The following SUCO variants were observed in gnomAD, a reference collection of about 807,000 sequenced individuals.
SUCO encodes SUN domain containing ossification factor.
SUCO carries 57 observed loss-of-function variants against 148.1 expected under a neutral mutation model. That is an observed-to-expected ratio of 0.38 (90% confidence interval 0.31 to 0.48). The LOEUF is 0.48. Ranked by LOEUF, SUCO falls within the 20% of genes least tolerant of loss-of-function variation. The pLI is 0.96. For synonymous variants in SUCO, 470 were observed against 502.7 expected, an observed-to-expected ratio of 0.93 and a Z score of 0.87; for missense variants, 1,331 against 1,468.2, an observed-to-expected ratio of 0.91 and a Z score of 1.53.
At chr1:172,598,471 T>C (rs1380084652) in intron 19 of SUCO, among the ~76,000 whole-genome samples, 2 of 152,224 alleles carry the variant, frequency 1.3e-5, no homozygotes, top group Non-Finnish European at 2.9e-5. Flanking sequence ...TGTTAATCTC[T>C]ACCAAAATTG....
At position 172,553,396 on chromosome 1, in the gene SUCO, A is replaced by G. The variant is rs752324450; in HGVS notation, c.288+26A>G. ...GTAAGCTATGTCGCTTTGATTTTCA[A>G]TAATATGTCATTTCAAACTACTTTA... On this transcript the variant is annotated intron_variant, in intron 3 of 23. Transcript: ENST00000263688. The G allele has an allele frequency of 1.6e-5, 23 of 1,478,614 alleles. No individual in the cohort carries two copies. In the East Asian group the frequency reaches 4.6e-4, roughly 30 times the overall value. 91.6% of individuals were successfully genotyped at this position (1,478,614 alleles called of 1,614,324 possible). A position where few individuals can be genotyped will look rare whatever the true frequency, so the allele number is the denominator to read the frequency against.
intron 6 of SUCO, among the ~76,000 whole-genome samples, chr1:172,562,917 T>C (rs897075234): frequency 6.6e-6 from 1 of 152,152 alleles, no homozygotes; most frequent in African/African-American, 2.4e-5. Flanking sequence ...GTTCTTGTGA[T>C]AGTGACTTCT....
chr1:172,573,594 T>A (rs1655206728), intron 9 of SUCO, among the ~76,000 whole-genome samples: 1 of 152,110 alleles, frequency 6.6e-6, no homozygotes, highest in African/African-American at 2.4e-5. Context: ...TGTCTGTTCT[T>A]AAGAAAGTCA....
chr1:172,574,096 A>G, intron 10 of SUCO, 98 bp downstream of exon 10: 3 of 685,026 alleles, frequency 4.4e-6, no homozygotes, highest in South Asian at 1.7e-5. Context: ...ACTTCAGTCC[A>G]TTTATTTTTT....
chr1:172,580,776 T>C lies in SUCO; in HGVS notation c.1498+1509T>C, dbSNP rs372878761. 2.0e-5 allele frequency among the ~76,000 whole-genome samples: 3 copies of C among 152,150 alleles called. No homozygotes were observed. In the South Asian group the frequency reaches 6.2e-4, roughly 32 times the overall value. On this transcript the variant is annotated intron_variant, in intron 15 of 23. Transcript: ENST00000263688. ...ATATTCTGGATTTTCTTGCTATATC[T>C]TCCTATGTGGTTAACTTCTAGATGC...
chr1:172,555,986 T>C lies in SUCO; in HGVS notation c.406T>C (p.Ser136Pro), dbSNP rs1017135280. 2 of 1,613,338 alleles carry C rather than the reference T, an allele frequency of 1.2e-6. No homozygotes were observed. Among genetic ancestry groups the C allele is most frequent in the Middle Eastern group, 1.7e-4 (1 of 6,060 alleles). Residue 136 changes from serine to proline, a missense_variant, in exon 4 of 24, where the codon TCA becomes CCA. Ser to Pro is a moderately conservative substitution (Grantham distance 74, BLOSUM62 -1). Coordinates refer to ENST00000263688, the MANE Select transcript of SUCO (RefSeq NM_014283.5). ...DSETVENISSSSTSEITPISK... is the reference protein window; with the variant it reads ...DSETVENISSPSTSEITPISK... ...TGAAACTGTTGAAAATATTTCCAGCTCATCTACCTCAGAAATCACTCCAAT... is the reference window on the plus strand; with the variant it reads ...TGAAACTGTTGAAAATATTTCCAGCCCATCTACCTCAGAAATCACTCCAAT...
At chr1:172,575,688 C>CTA in intron 11 of SUCO, 65 bp downstream of exon 11, 1 of 1,068,250 alleles carries the variant, frequency 9.4e-7, no homozygotes, top group South Asian at 1.4e-5. Context: ...ACACTTTATA[C>CTA]ACCTCATCTT....
At chr1:172,590,515 G>A (rs1247439923) in intron 18 of SUCO, 1 of 230,078 alleles carries the variant, frequency 4.3e-6, no homozygotes, top group African/African-American at 2.3e-5. Context: ...TATCCTCTGT[G>A]TGTCCATTGT....
At chr1:172,585,717 C>A in intron 16 of SUCO, 141 bp from the exon 17 acceptor site, 2 of 610,468 alleles carry the variant, frequency 3.3e-6, no homozygotes, top group Admixed American at 2.9e-5. Flanking sequence ...CCTAAAAGAA[C>A]TTTGATTTTT....
intron 1 of SUCO, among the ~76,000 whole-genome samples, chr1:172,542,380 C>G (rs1273925790): frequency 6.6e-6 from 1 of 151,666 alleles, no homozygotes; most frequent in African/African-American, 2.4e-5. Flanking sequence ...GAAACTCCGT[C>G]TCAAAAAAAA....
rs1210801460 is a variant in SUCO, at chr1:172,579,193, T to A, written c.1433-9T>A. 5.8e-6 allele frequency: 9 copies of A among 1,538,492 alleles called. No homozygotes were observed. The highest frequency in any genetic ancestry group is 8.1e-6 in the Non-Finnish European group (9 of 1,115,098). On this transcript the variant is annotated splice_polypyrimidine_tract_variant and intron_variant, in intron 14 of 23. Transcript: ENST00000263688. ...TCAGCATAATTACTTTTATTTTCGTTTTTAACAGATTATCCACTGGATTAT... is the reference window on the plus strand; with the variant it reads ...TCAGCATAATTACTTTTATTTTCGTATTTAACAGATTATCCACTGGATTAT...
At chr1:172,596,911 C>G (rs1657145330) in intron 19 of SUCO, among the ~76,000 whole-genome samples, 1 of 152,230 alleles carries the variant, frequency 6.6e-6, no homozygotes, top group Non-Finnish European at 1.5e-5. Context: ...GCAGGCAGGC[C>G]TCCTTGAGCT....
At chr1:172,570,415 A>T (rs1571228078) in intron 8 of SUCO, 1 of 491,900 alleles carries the variant, frequency 2.0e-6, no homozygotes, top group Middle Eastern at 5.3e-4. Flanking sequence ...AATAACTAAA[A>T]TATTATTTTT....
chr1:172,588,326 C>G (rs1351797950), intron 17 of SUCO: 1 of 985,324 alleles, frequency 1.0e-6, no homozygotes. Context: ...CTAGTTTTAG[C>G]TCTGGACCTT....
chr1:172,590,581 G>C (rs1348288930), intron 18 of SUCO, among the ~76,000 whole-genome samples: 1 of 152,102 alleles, frequency 6.6e-6, no homozygotes, highest in East Asian at 1.9e-4. Flanking sequence ...CAAGTGTCCA[G>C]AGTTCCTGAA....
At chr1:172,562,848 G>C (rs1003868080) in intron 6 of SUCO, among the ~76,000 whole-genome samples, 1 of 152,090 alleles carries the variant, frequency 6.6e-6, no homozygotes, top group Non-Finnish European at 1.5e-5. Context: ...TAATCCCCAC[G>C]TTAGAGGAGC....
At chr1:172,574,123 TAAC>T (rs1378248486) in intron 10 of SUCO, 125 bp downstream of exon 10, 11 of 627,260 alleles carry the variant, frequency 1.8e-5, no homozygotes, top group East Asian at 8.5e-5. Flanking sequence ...CAGTTTGTAA[TAAC>T]AACGATAATA....
chr1:172,557,729 G>A lies in SUCO; in HGVS notation c.667G>A (p.Ala223Thr), dbSNP rs1653854839. 1.9e-6 allele frequency: 3 copies of A among 1,612,970 alleles called. No individual in the cohort carries two copies. The highest frequency in any genetic ancestry group is 1.7e-4 in the Middle Eastern group (1 of 6,030). Residue 223 changes from alanine (A) to threonine (T), a missense_variant, in exon 6 of 24, where the codon GCA becomes ACA. Physicochemically the swap from Ala to Thr is moderately conservative, Grantham distance 58. Coordinates refer to ENST00000263688, the MANE Select transcript of SUCO (RefSeq NM_014283.5). ...ATCAGAATTTGAATCAAAAGTTTCA[G>A]CAAGTGAACAGGGCGGTGGTGATCC... is the stretch of plus-strand genomic sequence containing the variant. ...TKSEFESKVS[A>T]SEQGGGDPKS...
chr1:172,594,399 T>G (rs1159297972), intron 19 of SUCO, among the ~76,000 whole-genome samples: 1 of 152,236 alleles, frequency 6.6e-6, no homozygotes, highest in Non-Finnish European at 1.5e-5. Flanking sequence ...TCTTTCTTAC[T>G]TTTTCTTGTG....
Sources: gnomAD v4.1 joint callset for allele counts (sites outside exome capture counted in the v4.1 genomes callset) on GRCh38, gnomAD v4.1.1 for gene constraint, MANE v1.5 for transcripts, NCBI Gene and HGNC (gene_info 2026-07-23, HGNC 2026-07-21) for gene names.